Variants in PSD3 observed in about 807,000 individuals in gnomAD.
The protein encoded by PSD3 is PH and SEC7 domain-containing protein 3.
A neutral mutation model predicts 105.5 loss-of-function variants in PSD3; 49 were observed. The ratio of observed to expected loss-of-function variants is 0.46; its 90% CI spans 0.37 to 0.59. The LOEUF (loss-of-function observed/expected upper bound fraction) is 0.59. Among genes scored for constraint, PSD3 ranks in the 20% least tolerant of loss-of-function variants. The pLI, the probability that PSD3 is intolerant of heterozygous loss-of-function variation, is 0.00. For missense variants in PSD3, 1,561 were observed against 1,263.8 expected (o/e 1.24, Z -3.57); for synonymous variants, 557 against 457.8 (o/e 1.22, Z -2.77).
intron 11 of PSD3, among the ~76,000 whole-genome samples, chr8:18,601,202 T>C (rs1253937612): frequency 6.6e-6 from 1 of 152,234 alleles, no homozygotes; most frequent in African/African-American, 2.4e-5. Context: ...ATGAATTCTC[T>C]ACTGACTTGT....
chr8:18,619,643 C>CA (rs201102600), intron 11 of PSD3, among the ~76,000 whole-genome samples: 1,465 of 115,508 alleles, frequency 0.013, 63 homozygotes, highest in Admixed American at 0.09. Flanking sequence ...AACCTCATCT[C>CA]AAAAAAAAAA....
At chr8:18,675,095 C>T (rs1799996591) in intron 9 of PSD3, among the ~76,000 whole-genome samples, 1 of 152,154 alleles carries the variant, frequency 6.6e-6, no homozygotes, top group South Asian at 2.1e-4. Context: ...CAGTCAAGAG[C>T]TGCTTCTCTC....
chr8:18,575,395 A>G, intron 12 of PSD3, 110 bp from the exon 13 acceptor site: 1 of 986,280 alleles, frequency 1.0e-6, no homozygotes, highest in Non-Finnish European at 1.4e-6. Context: ...AAGTAAGTGA[A>G]TGAAAAAAAT....
In PSD3 at chr8:18,556,313, T is replaced by A; in HGVS notation, c.2824A>T (p.Ile942Phe). The A allele has an allele frequency of 6.2e-7, 1 of 1,614,010 alleles. No individual in the cohort carries two copies. Among genetic ancestry groups the A allele is most frequent in the Non-Finnish European group, 8.5e-7 (1 of 1,179,962 alleles). Residue 942 changes from isoleucine (I) to phenylalanine (F), a missense_variant, in exon 15 of 16, where the codon ATC becomes TTC. By Grantham distance (21) the Ile-to-Phe change is conservative (BLOSUM62 0). Coordinates refer to ENST00000327040, the MANE Select transcript of PSD3 (RefSeq NM_015310.4). ...CGGTGCTCGGCCAGCTCGGTGGTGATCTGCTTCAGCTTACTTTCATGTGAC... is the reference window on the plus strand; with the variant it reads ...CGGTGCTCGGCCAGCTCGGTGGTGAACTGCTTCAGCTTACTTTCATGTGAC... The part of the protein sequence containing the change: ...LKSHESKLKQ[I>F]TTELAEHRSY...
chr8:18,920,767 T>C (rs1016678737), intron 2 of PSD3, among the ~76,000 whole-genome samples: 2 of 152,176 alleles, frequency 1.3e-5, no homozygotes, highest in African/African-American at 4.8e-5. Context: ...AAAACTTGTC[T>C]AGCATGCCTC....
chr8:18,630,285 G>C (rs1806799950), intron 11 of PSD3, among the ~76,000 whole-genome samples: 1 of 151,886 alleles, frequency 6.6e-6, no homozygotes, highest in African/African-American at 2.4e-5. Flanking sequence ...TACAATGGCA[G>C]AAAAACTTCT....
intron 9 of PSD3, among the ~76,000 whole-genome samples, chr8:18,720,500 G>C (rs191657431): frequency 7.5e-4 from 114 of 152,214 alleles, no homozygotes; most frequent in African/African-American, 2.6e-3. Context: ...AGACTACCTG[G>C]AATTATATGT....
chr8:19,016,896 C>T (rs1827195073), upstream of PSD3, among the ~76,000 whole-genome samples: 1 of 152,124 alleles, frequency 6.6e-6, no homozygotes, highest in African/African-American at 2.4e-5. Context: ...CTCTTAATAA[C>T]AGCATTCATG....
chr8:18,620,870 T>C (rs1472801868), intron 11 of PSD3, among the ~76,000 whole-genome samples: 1 of 152,230 alleles, frequency 6.6e-6, no homozygotes, highest in African/African-American at 2.4e-5. Context: ...ATTAAAGAAT[T>C]TGACACACTG....
At chr8:18,671,296 A>G (rs1041947005) in intron 9 of PSD3, among the ~76,000 whole-genome samples, 1 of 152,202 alleles carries the variant, frequency 6.6e-6, no homozygotes, top group African/African-American at 2.4e-5. Context: ...CAAATGCAAG[A>G]TGCTCACTTA....
At chr8:18,586,620 G>A (rs1347897040) in intron 12 of PSD3, among the ~76,000 whole-genome samples, 1 of 152,082 alleles carries the variant, frequency 6.6e-6, no homozygotes, top group Non-Finnish European at 1.5e-5. Context: ...TTCAAAGCCA[G>A]CCATTATGGA....
At chr8:19,057,399 A>G (rs930512156) in intron 1 of PSD3, among the ~76,000 whole-genome samples, 3 of 152,080 alleles carry the variant, frequency 2.0e-5, no homozygotes, top group Non-Finnish European at 4.4e-5. Flanking sequence ...CATGAAACAC[A>G]ATTAACCCTT....
chr8:18,782,946 A>T (rs1808782447), intron 8 of PSD3, among the ~76,000 whole-genome samples: 1 of 152,250 alleles, frequency 6.6e-6, no homozygotes, highest in South Asian at 2.1e-4. Flanking sequence ...TTTAGAATGC[A>T]AGAAATATTC....
chr8:18,851,976 G>A (rs1815614098), intron 4 of PSD3, among the ~76,000 whole-genome samples: 1 of 152,096 alleles, frequency 6.6e-6, no homozygotes. Context: ...AGTGGTGAAG[G>A]CAAAAAGAAA....
At chr8:18,848,781 T>C (rs1815329408) in intron 4 of PSD3, among the ~76,000 whole-genome samples, 1 of 152,166 alleles carries the variant, frequency 6.6e-6, no homozygotes, top group Admixed American at 6.5e-5. Flanking sequence ...CACCCTAGGT[T>C]GGGGCGGAAT....
At chr8:18,899,826 C>A (rs1039461460) in intron 2 of PSD3, among the ~76,000 whole-genome samples, 2 of 151,522 alleles carry the variant, frequency 1.3e-5, no homozygotes, top group East Asian at 3.9e-4. Context: ...CTTTTCTATT[C>A]AAGGCTCAGG....
At chr8:18,809,880 AC>A (rs1410154118) in intron 4 of PSD3, among the ~76,000 whole-genome samples, 1 of 152,200 alleles carries the variant, frequency 6.6e-6, no homozygotes, top group Non-Finnish European at 1.5e-5. Flanking sequence ...AAACAAAAAC[AC>A]AAAAACCCTC....
At chr8:19,031,697 G>C (rs998374797) in intron 1 of PSD3, among the ~76,000 whole-genome samples, 1 of 152,156 alleles carries the variant, frequency 6.6e-6, no homozygotes, top group Admixed American at 6.5e-5. Context: ...TAGTGCTGCT[G>C]GGTGCTACTT....
At chr8:19,010,621 T>C (rs1826908579) in intron 1 of PSD3, among the ~76,000 whole-genome samples, 1 of 152,138 alleles carries the variant, frequency 6.6e-6, no homozygotes, top group South Asian at 2.1e-4. Flanking sequence ...TGAAAGATGG[T>C]CAACGTAACT....
Sources: allele counts gnomAD v4.1 joint callset (sites outside exome capture counted in the v4.1 genomes callset), GRCh38; gene constraint gnomAD v4.1.1; transcripts MANE v1.5; gene names NCBI Gene and HGNC (gene_info 2026-07-23, HGNC 2026-07-21).